KIRREL3: variants seen among roughly 807,000 people sequenced by gnomAD.
KIRREL3 encodes the protein kin of IRRE-like protein 3.
In KIRREL3, 36 loss-of-function variants were observed where a neutral mutation model predicts 89.7. The ratio of observed to expected loss-of-function variants is 0.40; its 90% confidence interval spans 0.31 to 0.53. The LOEUF is 0.53. Among genes scored for constraint, KIRREL3 ranks in the 20% least tolerant of loss-of-function variants. KIRREL3 has a pLI of 0.49. For synonymous variants in KIRREL3, 445 were observed against 441.4 expected (o/e 1.01, Z -0.10); for missense variants, 864 against 1,056.6 (o/e 0.82, Z 2.53).
intron 4 of KIRREL3, among the ~76,000 whole-genome samples, chr11:126,510,760 A>C (rs1958194117): frequency 6.6e-6 from 1 of 152,160 alleles, no homozygotes; most frequent in Non-Finnish European, 1.5e-5. Context: ...TTTTACAGGC[A>C]CTGCGTCCCT....
rs185350245 is a variant in KIRREL3, at chr11:126,441,416, C to T, written c.1253-867G>A. 1.3e-5 allele frequency among the ~76,000 whole-genome samples: 2 copies of T among 152,214 alleles called. No homozygotes were observed. ...GCCTGTTACCTAACCCAAGTCTTTC[C>T]CCTGTGACGCCTGCCTGGCCGTGAA... On this transcript the variant is annotated intron_variant, in intron 10 of 16. Coordinates refer to ENST00000525144, the MANE Select transcript of KIRREL3 (RefSeq NM_032531.4). This position sits in a 1 kb window ranked among gnomAD's most constrained non-coding sequence, Gnocchi z 5.0.
In KIRREL3 at chr11:126,797,774, C is replaced by T. The variant is rs1950860018; in HGVS notation, c.55+202681G>A. On this transcript the variant is annotated intron_variant, in intron 1 of 16. Transcript: ENST00000525144. This position sits in a 1 kb window ranked among gnomAD's most constrained non-coding sequence, Gnocchi z 4.9. The stretch of plus-strand genomic sequence containing the variant: ...CAAATCACTCCACTGAACCTGTTTT[C>T]TGATTCGTATTTTGTCCTTGTAAAT... Among the ~76,000 whole-genome samples, 1 of 152,180 alleles carries T rather than the reference C, an allele frequency of 6.6e-6. No individual in the cohort carries two copies. The highest frequency in any genetic ancestry group is 2.4e-5 in the African/African-American group (1 of 41,446).
chr11:126,619,993 A>T (rs1401113376), intron 1 of KIRREL3, among the ~76,000 whole-genome samples: 18 of 148,626 alleles, frequency 1.2e-4, no homozygotes, highest in Admixed American at 1.2e-3. Flanking sequence ...TAAAAATCCC[A>T]TCCTAAGTTT....
chr11:126,469,185 T>C (rs1463132232), intron 5 of KIRREL3, among the ~76,000 whole-genome samples: 3 of 152,168 alleles, frequency 2.0e-5, no homozygotes, highest in Non-Finnish European at 4.4e-5. Flanking sequence ...AGAGCCCGGA[T>C]CCAAATTCAG....
chr11:126,769,315 A>C lies in KIRREL3; in HGVS notation c.56-206403T>G, dbSNP rs1264871125. On this transcript the variant is annotated intron_variant, in intron 1 of 16. Coordinates refer to ENST00000525144, the MANE Select transcript of KIRREL3 (RefSeq NM_032531.4). The surrounding 1 kb of genome is among the most constrained non-coding windows in gnomAD (Gnocchi z 4.3). ...ATAGATTTGATAAGGGCCGGTAGTC[A>C]GGGTAGGCTCTGTGGAAGCAAATCT... Among the ~76,000 whole-genome samples the C allele has an allele frequency of 6.6e-6, 1 of 152,190 alleles. No individual in the cohort carries two copies. The highest frequency in any genetic ancestry group is 1.5e-5 in the Non-Finnish European group (1 of 68,034).
chr11:126,692,544 CAAAAAAAA>C (rs71048799), intron 1 of KIRREL3, among the ~76,000 whole-genome samples: 6 of 42,682 alleles, frequency 1.4e-4, no homozygotes, highest in Admixed American at 4.8e-4. Flanking sequence ...GACTCTGTCT[CAAAAAAAA>C]AAAAAAAAAA....
chr11:126,532,667 C>T (rs1454890871), intron 2 of KIRREL3, among the ~76,000 whole-genome samples: 2 of 118,820 alleles, frequency 1.7e-5, no homozygotes, highest in Admixed American at 8.2e-5. Context: ...TGAGCCACTA[C>T]ACCTGGCCCA....
intron 1 of KIRREL3, among the ~76,000 whole-genome samples, chr11:126,573,212 A>T (rs1487255760): frequency 1.3e-5 from 2 of 152,194 alleles, no homozygotes; most frequent in Non-Finnish European, 2.9e-5. Flanking sequence ...TCCAGTGGGC[A>T]TGCGTTGCCT....
chr11:126,789,252 C>T (rs1216601422), intron 1 of KIRREL3, among the ~76,000 whole-genome samples: 1 of 152,124 alleles, frequency 6.6e-6, no homozygotes, highest in African/African-American at 2.4e-5. Flanking sequence ...TGACCAAAGC[C>T]AACCCTTGCC....
chr11:126,826,633 G>A (rs1183685209), intron 1 of KIRREL3, among the ~76,000 whole-genome samples: 1 of 152,164 alleles, frequency 6.6e-6, no homozygotes, highest in East Asian at 1.9e-4. Flanking sequence ...AATACGTGTT[G>A]GAGGTGTTGG....
chr11:126,618,795 A>G (rs1943461182), intron 1 of KIRREL3, among the ~76,000 whole-genome samples: 1 of 152,202 alleles, frequency 6.6e-6, no homozygotes, highest in African/African-American at 2.4e-5. Flanking sequence ...TTCAACACAA[A>G]GAGTCTTCCC....
At chr11:126,692,652 T>C (rs1198979398) in intron 1 of KIRREL3, among the ~76,000 whole-genome samples, 3 of 152,016 alleles carry the variant, frequency 2.0e-5, no homozygotes, top group African/African-American at 7.2e-5. Context: ...GGAATATTCT[T>C]CAGCTTTAAA....
At chr11:126,751,767 A>G (rs1177500750) in intron 1 of KIRREL3, among the ~76,000 whole-genome samples, 1 of 152,216 alleles carries the variant, frequency 6.6e-6, no homozygotes, top group Admixed American at 6.5e-5. Flanking sequence ...CAAATGAAAG[A>G]GGCTAAATAG....
rs143354309 is a variant in KIRREL3, at chr11:126,738,511, G to A, written c.56-175599C>T. On this transcript the variant is annotated intron_variant, in intron 1 of 16. Transcript: ENST00000525144. ...TTTGCACAGAGCACTAATGGAGTCC[G>A]TTAGTATTCAGACTGAGTTTCCTAT... Among the ~76,000 whole-genome samples, 889 of 152,292 alleles carry A rather than the reference G, an allele frequency of 5.8e-3. 9 individuals are homozygous for A. Among genetic ancestry groups the A allele is most frequent in the African/African-American group, 0.021 (860 of 41,566 alleles).
rs75735179 is a variant in KIRREL3 at position 126,711,895 on chromosome 11, A to T, written c.56-148983T>A. Among the ~76,000 whole-genome samples, 1,343 of 152,322 alleles carry T rather than the reference A, an allele frequency of 8.8e-3. 19 individuals are homozygous for T. Among genetic ancestry groups the T allele is most frequent in the African/African-American group, 0.03 (1,228 of 41,560 alleles). ...CGGTGGGAGCCGCTTCATTATAAAA[A>T]GCAGAACATCCCTAAAAACAGGATA... is the stretch of plus-strand genomic sequence containing the variant. On this transcript the variant is annotated intron_variant, in intron 1 of 16. Coordinates refer to ENST00000525144, the MANE Select transcript of KIRREL3 (RefSeq NM_032531.4).
chr11:126,690,692 G>T (rs1261349922), intron 1 of KIRREL3, among the ~76,000 whole-genome samples: 2 of 152,176 alleles, frequency 1.3e-5, no homozygotes, highest in African/African-American at 4.8e-5. Flanking sequence ...ACTAATCCCT[G>T]AACCAGCTAA....
intron 15 of KIRREL3, among the ~76,000 whole-genome samples, chr11:126,426,048 C>T (rs887107479): frequency 1.2e-4 from 19 of 152,226 alleles, no homozygotes; most frequent in Admixed American, 1.1e-3. Flanking sequence ...ATTGACTGAA[C>T]GTTTATTGTA....
At chr11:126,950,992 G>GA (rs1190527120) in intron 1 of KIRREL3, among the ~76,000 whole-genome samples, 4 of 151,776 alleles carry the variant, frequency 2.6e-5, no homozygotes, top group East Asian at 1.9e-4. Context: ...GTTCTGTTAA[G>GA]AAAAAAAACA....
At chr11:126,718,221 A>C (rs1228856735) in intron 1 of KIRREL3, among the ~76,000 whole-genome samples, 8 of 152,068 alleles carry the variant, frequency 5.3e-5, no homozygotes, top group Admixed American at 5.2e-4. Flanking sequence ...AGGCGGGCCC[A>C]CCCAGAACTG....
Sources: gnomAD v4.1 joint callset for allele counts (sites outside exome capture counted in the v4.1 genomes callset) on GRCh38, gnomAD v4.1.1 for gene constraint, Gnocchi (gnomAD v3.1) non-coding constraint, MANE v1.5 for transcripts, NCBI Gene and HGNC (gene_info 2026-07-23, HGNC 2026-07-21) for gene names.